Variants in TMPRSS2 observed in about 807,000 individuals in gnomAD.
The protein encoded by TMPRSS2 is transmembrane serine protease 2, also known as transmembrane protease serine 2.
A neutral mutation model predicts 67.4 loss-of-function variants in TMPRSS2; 59 were observed. The observed-to-expected ratio is 0.88, with a 90% confidence interval of 0.71 to 1.09. The LOEUF is 1.09. Among genes scored for constraint, TMPRSS2 ranks in the 50% least tolerant of loss-of-function variants. TMPRSS2 has a pLI of 0.00. For synonymous variants in TMPRSS2, 257 were observed against 257.0 expected, an observed-to-expected ratio of 1.00 and a Z score of 0.00; for missense variants, 668 against 642.7, an observed-to-expected ratio of 1.04 and a Z score of -0.43.
At chr21:41,466,236 T>C (rs979987816) in intron 13 of TMPRSS2, 83 bp from the exon 14 acceptor site, 44 of 1,446,332 alleles carry the variant, frequency 3.0e-5, no homozygotes, top group Non-Finnish European at 4.1e-5. Flanking sequence ...TAGGTTCGCA[T>C]GAAGCACTTA....
chr21:41,473,301 C>A, intron 9 of TMPRSS2, 24 bp downstream of exon 9: 6 of 1,556,768 alleles, frequency 3.9e-6, no homozygotes, highest in Non-Finnish European at 3.5e-6. Flanking sequence ...AGCCCCCACC[C>A]GGCCCGCGCC....
In TMPRSS2 at chr21:41,468,549, G is replaced by C. The variant is rs761962351; in HGVS notation, c.1172-11C>G. On this transcript the variant is annotated splice_polypyrimidine_tract_variant and intron_variant, in intron 11 of 13. Coordinates refer to ENST00000332149, the MANE Select transcript of TMPRSS2 (RefSeq NM_005656.4). ...CTTCTGAGGTCTTCCCTAAGGACAG[G>C]GAGACTTGTTGAGCTCCCAGTGTTG... is the stretch of plus-strand genomic sequence containing the variant. 6.2e-7 allele frequency: 1 copy of C among 1,613,806 alleles called. No individual in the cohort carries two copies. The highest frequency in any genetic ancestry group is 1.7e-5 in the Admixed American group (1 of 60,020).
chr21:41,476,688 A>AC, intron 7 of TMPRSS2, 68 bp from the exon 8 acceptor site: 1 of 1,373,520 alleles, frequency 7.3e-7, no homozygotes, highest in Non-Finnish European at 1.0e-6. Flanking sequence ...CATGCTTAGA[A>AC]ATCAGTCATT....
At chr21:41,494,789 G>A (rs1444780076) in intron 2 of TMPRSS2, 2 of 641,136 alleles carry the variant, frequency 3.1e-6, no homozygotes, top group Non-Finnish European at 5.5e-6. Context: ...GGTACTACAA[G>A]GCTGGGTGCG....
intron 10 of TMPRSS2, among the ~76,000 whole-genome samples, chr21:41,471,236 G>T (rs932420532): frequency 1.3e-5 from 2 of 152,384 alleles, no homozygotes; most frequent in South Asian, 2.1e-4. Flanking sequence ...ACCCTTGGAT[G>T]GACCAGAGTG....
chr21:41,479,342 A>C (rs2091239307), intron 6 of TMPRSS2, 60 bp from the exon 7 acceptor site: 2 of 1,296,486 alleles, frequency 1.5e-6, no homozygotes, highest in South Asian at 1.2e-5. Flanking sequence ...CAAATCCTAT[A>C]CTATGTCATA....
Position 41,502,598 on chromosome 21 carries a change from C to T in TMPRSS2, c.-56-4409G>A, listed in dbSNP as rs1371131296. The T allele has an allele frequency of 7.1e-6, 7 of 985,004 alleles. No homozygotes were observed. In the East Asian group the frequency reaches 7.9e-4, roughly 112 times the overall value. The allele number at this position is 985,004 out of a possible 1,614,324, so 61.0% of individuals were successfully genotyped here. A position where few individuals can be genotyped will look rare whatever the true frequency, so the allele number is the denominator to read the frequency against. ...TGCCAAAATAACCGCACTAATATCA[C>T]ATTATACAACGAGATGTTCTATCCT... On this transcript the variant is annotated intron_variant, in intron 1 of 13. Coordinates refer to ENST00000332149, the MANE Select transcript of TMPRSS2 (RefSeq NM_005656.4).
chr21:41,468,003 G>T, intron 12 of TMPRSS2, 117 bp from the exon 13 acceptor site: 1 of 1,120,716 alleles, frequency 8.9e-7, no homozygotes, highest in Non-Finnish European at 1.3e-6. Context: ...ACGAGTGACT[G>T]TGTGGGCTTC....
intron 11 of TMPRSS2, 137 bp from the exon 12 acceptor site, chr21:41,468,675 T>A: frequency 1.0e-6 from 1 of 966,348 alleles, no homozygotes. Flanking sequence ...CCCGGTCAGC[T>A]CATCCCAGCA....
At chr21:41,489,486 A>G in intron 4 of TMPRSS2, 21 bp downstream of exon 4, 4 of 1,611,122 alleles carry the variant, frequency 2.5e-6, no homozygotes, top group Non-Finnish European at 3.4e-6. Flanking sequence ...ACATGGTGGG[A>G]TCGAGGCTCC....
chr21:41,466,156 G>A lies in TMPRSS2; in HGVS notation c.1468-3C>T, dbSNP rs374666536. 1.9e-6 allele frequency: 3 copies of A among 1,613,428 alleles called. No individual in the cohort carries two copies. Among genetic ancestry groups the A allele is most frequent in the African/African-American group, 2.7e-5 (2 of 74,818 alleles). ...GACCATGTGGATTAGCCGTCTGCCT[G>A]TTCAAATAGGAAAAAAAAAAGTGTG... On this transcript the variant is annotated splice_polypyrimidine_tract_variant and splice_region_variant and intron_variant, in intron 13 of 13. Coordinates refer to ENST00000332149, the MANE Select transcript of TMPRSS2 (RefSeq NM_005656.4).
intron 1 of TMPRSS2, among the ~76,000 whole-genome samples, chr21:41,507,714 G>T (rs891340183): frequency 2.0e-5 from 3 of 152,292 alleles, no homozygotes; most frequent in East Asian, 1.9e-4. Context: ...TCCCAGGCGG[G>T]GGCCGTGGAG....
intron 1 of TMPRSS2, among the ~76,000 whole-genome samples, chr21:41,501,800 G>A (rs1237676727): frequency 1.3e-5 from 2 of 152,176 alleles, no homozygotes; most frequent in Non-Finnish European, 2.9e-5. Context: ...ACACAAGCTT[G>A]TACATCGCAT....
At chr21:41,469,747 C>G (rs1240002892) in intron 11 of TMPRSS2, among the ~76,000 whole-genome samples, 2 of 152,198 alleles carry the variant, frequency 1.3e-5, no homozygotes, top group African/African-American at 2.4e-5. Flanking sequence ...CCCGTCCCCA[C>G]CACCGACATC....
At chr21:41,482,934 A>T (rs1311167745) in intron 5 of TMPRSS2, among the ~76,000 whole-genome samples, 1 of 152,202 alleles carries the variant, frequency 6.6e-6, no homozygotes, top group Non-Finnish European at 1.5e-5. Context: ...AGAAGATCAG[A>T]TAGCTGGGGT....
intron 13 of TMPRSS2, 55 bp from the exon 14 acceptor site, chr21:41,466,208 G>A (rs1335643261): frequency 1.3e-5 from 21 of 1,603,116 alleles, no homozygotes; most frequent in Non-Finnish European, 1.6e-5. Context: ...AACAAAGGTG[G>A]AAAATAATTT....
rs1339574692 is a variant in TMPRSS2 at position 41,478,783 on chromosome 21, T to A, written c.683+389A>T. On this transcript the variant is annotated intron_variant, in intron 7 of 13. Coordinates refer to ENST00000332149, the MANE Select transcript of TMPRSS2 (RefSeq NM_005656.4). The surrounding 1 kb of genome is among the most constrained non-coding windows in gnomAD (Gnocchi z 4.0). ...CAGTGAAGTCCCTGGCAAACTGGAA[T>A]GAGCCGGTCACCCTGGCTGGGACAC... 6.6e-6 allele frequency among the ~76,000 whole-genome samples: 1 copy of A among 152,212 alleles called. No individual in the cohort carries two copies. The highest frequency in any genetic ancestry group is 2.4e-5 in the African/African-American group (1 of 41,456).
chr21:41,467,899 G>A lies in TMPRSS2; in HGVS notation c.1315-13C>T, dbSNP rs1456260413. ...CTCCACTGTCACCCTGTGGGACACA[G>A]CAAGGTACAGAGAGCAGAAAATCAA... On this transcript the variant is annotated splice_polypyrimidine_tract_variant and intron_variant, in intron 12 of 13. Transcript: ENST00000332149. 5 of 1,613,968 alleles carry A rather than the reference G, an allele frequency of 3.1e-6. No individual in the cohort carries two copies. The highest frequency in any genetic ancestry group is 2.7e-5 in the African/African-American group (2 of 74,918).
intron 2 of TMPRSS2, among the ~76,000 whole-genome samples, chr21:41,496,711 C>T (rs1401365950): frequency 6.6e-6 from 1 of 152,110 alleles, no homozygotes; most frequent in South Asian, 2.1e-4. Context: ...TTCAGCTCTC[C>T]CCGGTTACCT....
Sources: allele counts gnomAD v4.1 joint callset (sites outside exome capture counted in the v4.1 genomes callset), GRCh38; gene constraint gnomAD v4.1.1; non-coding constraint Gnocchi (gnomAD v3.1); transcripts MANE v1.5; gene names NCBI Gene and HGNC (gene_info 2026-07-23, HGNC 2026-07-21).